Variants in SMAP1 observed in about 807,000 individuals in gnomAD.
SMAP1 encodes small ArfGAP 1.
A neutral mutation model predicts 58.5 loss-of-function variants in SMAP1; 24 were observed. That is an observed-to-expected ratio of 0.41 (90% CI 0.30 to 0.58). SMAP1 has a LOEUF of 0.58. Among genes scored for constraint, SMAP1 ranks in the 20% least tolerant of loss-of-function variants. The pLI is 0.29. For missense variants in SMAP1, 563 were observed against 566.3 expected, an observed-to-expected ratio of 0.99 and a Z score of 0.06; for synonymous variants, 216 against 196.6, an observed-to-expected ratio of 1.10 and a Z score of -0.82.
chr6:70,808,197 C>T (rs575507333), intron 6 of SMAP1, among the ~76,000 whole-genome samples: 2 of 152,096 alleles, frequency 1.3e-5, no homozygotes, highest in Non-Finnish European at 2.9e-5. Flanking sequence ...AGTGGATCCA[C>T]GCAGTTCAAA....
chr6:70,816,157 A>G (rs1248286463), intron 6 of SMAP1, among the ~76,000 whole-genome samples: 2 of 152,108 alleles, frequency 1.3e-5, no homozygotes, highest in East Asian at 3.9e-4. Context: ...CATTGTTAGG[A>G]GGAGAGAGCA....
chr6:70,725,110 T>G (rs1375593843), intron 1 of SMAP1, among the ~76,000 whole-genome samples: 3 of 103,160 alleles, frequency 2.9e-5, no homozygotes, highest in Middle Eastern at 4.6e-3. Context: ...TTTTTTTTTT[T>G]TTTTTTTTTT....
At chr6:70,694,998 G>A (rs954427835) in intron 1 of SMAP1, among the ~76,000 whole-genome samples, 2 of 152,220 alleles carry the variant, frequency 1.3e-5, no homozygotes, top group South Asian at 4.1e-4. Flanking sequence ...TCTATTCACT[G>A]TGGAGATCTT....
intron 3 of SMAP1, among the ~76,000 whole-genome samples, chr6:70,763,826 ACT>A (rs1562142124): frequency 6.6e-6 from 1 of 152,190 alleles, no homozygotes; most frequent in African/African-American, 2.4e-5. Flanking sequence ...CAAAGCTTTA[ACT>A]CTTCAGTTCT....
intron 6 of SMAP1, among the ~76,000 whole-genome samples, chr6:70,802,824 G>A (rs1247149585): frequency 1.3e-5 from 2 of 152,136 alleles, no homozygotes; most frequent in East Asian, 1.9e-4. Flanking sequence ...ATTTGCGTAT[G>A]TTGAACCAGC....
chr6:70,794,591 C>G (rs1768515060), intron 5 of SMAP1, among the ~76,000 whole-genome samples: 1 of 152,022 alleles, frequency 6.6e-6, no homozygotes, highest in Non-Finnish European at 1.5e-5. Flanking sequence ...TGTGATGTTC[C>G]CCGCCCTATG....
chr6:70,680,801 C>A (rs965792021), intron 1 of SMAP1, among the ~76,000 whole-genome samples: 3 of 146,422 alleles, frequency 2.0e-5, no homozygotes, highest in Admixed American at 7.1e-5. Context: ...TCACTGCAGC[C>A]TCTGCCTCCC....
At chr6:70,706,339 A>G (rs1767836929) in intron 1 of SMAP1, among the ~76,000 whole-genome samples, 1 of 152,230 alleles carries the variant, frequency 6.6e-6, no homozygotes, top group Non-Finnish European at 1.5e-5. Context: ...CTTAAGATAA[A>G]AATCTTGACT....
intron 1 of SMAP1, among the ~76,000 whole-genome samples, chr6:70,672,028 G>T (rs1256529631): frequency 6.6e-6 from 1 of 152,150 alleles, no homozygotes; most frequent in Non-Finnish European, 1.5e-5. Context: ...TATTGAGAGG[G>T]TAAGCTCATT....
At chr6:70,767,276 C>T (rs554601917) in intron 3 of SMAP1, among the ~76,000 whole-genome samples, 1 of 151,570 alleles carries the variant, frequency 6.6e-6, no homozygotes, top group East Asian at 1.9e-4. Flanking sequence ...TTTTCCAATT[C>T]TGTGAAGAAA....
chr6:70,732,348 T>C, intron 1 of SMAP1, 30 bp from the exon 2 acceptor site: 1 of 1,578,982 alleles, frequency 6.3e-7, no homozygotes, highest in Non-Finnish European at 8.6e-7. Context: ...TAACATTTGC[T>C]TTTTTTTGTG....
chr6:70,749,831 T>G (rs1766203070), intron 2 of SMAP1, among the ~76,000 whole-genome samples: 2 of 152,222 alleles, frequency 1.3e-5, no homozygotes, highest in Non-Finnish European at 2.9e-5. Context: ...AGAAGCCACA[T>G]TTATGAGGCT....
At chr6:70,799,217 A>C (rs922105864) in intron 6 of SMAP1, among the ~76,000 whole-genome samples, 1 of 152,188 alleles carries the variant, frequency 6.6e-6, no homozygotes, top group Non-Finnish European at 1.5e-5. Flanking sequence ...AAAAATAGTG[A>C]ATTTGAAGAA....
chr6:70,834,118 T>C (rs1307187940), intron 6 of SMAP1, among the ~76,000 whole-genome samples: 1 of 152,206 alleles, frequency 6.6e-6, no homozygotes, highest in Admixed American at 6.5e-5. Context: ...TCTGCATTGC[T>C]CAATTTAGCT....
chr6:70,845,511 AGAG>A (rs1770953980), intron 7 of SMAP1, among the ~76,000 whole-genome samples: 1 of 152,252 alleles, frequency 6.6e-6, no homozygotes, highest in South Asian at 2.1e-4. Flanking sequence ...TGCTGCAGCT[AGAG>A]GAGAATAAAA....
At chr6:70,677,370 C>T (rs1163951241) in intron 1 of SMAP1, among the ~76,000 whole-genome samples, 1 of 145,844 alleles carries the variant, frequency 6.9e-6, no homozygotes, top group Non-Finnish European at 1.5e-5. Context: ...ATCCTTATTG[C>T]AAAGATTTAT....
intron 1 of SMAP1, among the ~76,000 whole-genome samples, chr6:70,708,718 ATGT>A (rs1252937194): frequency 6.6e-6 from 1 of 152,178 alleles, no homozygotes; most frequent in Non-Finnish European, 1.5e-5. Context: ...ATGACTAATG[ATGT>A]TGAGTACTTT....
intron 1 of SMAP1, among the ~76,000 whole-genome samples, chr6:70,705,218 A>G (rs1228140972): frequency 6.6e-6 from 1 of 151,718 alleles, no homozygotes; most frequent in African/African-American, 2.4e-5. Flanking sequence ...TGTTTTTTGA[A>G]TGAAATTTTC....
intron 6 of SMAP1, among the ~76,000 whole-genome samples, chr6:70,811,743 A>T (rs921159336): frequency 5.3e-5 from 8 of 152,194 alleles, no homozygotes; most frequent in African/African-American, 1.9e-4. Context: ...ATTGTTGTGG[A>T]TTCAGTGTAG....
Sources: gnomAD v4.1 joint callset for allele counts (sites outside exome capture counted in the v4.1 genomes callset) on GRCh38, gnomAD v4.1.1 for gene constraint, MANE v1.5 for transcripts, NCBI Gene and HGNC (gene_info 2026-07-23, HGNC 2026-07-21) for gene names.